MTHFD1L: variants seen among roughly 807,000 people sequenced by gnomAD.
MTHFD1L encodes the protein monofunctional C1-tetrahydrofolate synthase, mitochondrial.
MTHFD1L carries 81 observed loss-of-function variants against 119.5 expected under a neutral mutation model. The ratio of observed to expected loss-of-function variants is 0.68; its 90% CI spans 0.57 to 0.82. MTHFD1L has a LOEUF of 0.82. Ranked by LOEUF, MTHFD1L falls within the 40% of genes least tolerant of loss-of-function variation. The pLI is 0.00. For synonymous variants in MTHFD1L, 430 were observed against 475.2 expected (o/e 0.90, Z 1.24); for missense variants, 1,125 against 1,253.4 (o/e 0.90, Z 1.55).
At chr6:150,988,633 T>A (rs575956497) in intron 20 of MTHFD1L, among the ~76,000 whole-genome samples, 2 of 151,186 alleles carry the variant, frequency 1.3e-5, no homozygotes, top group Non-Finnish European at 2.9e-5. Context: ...GGGGATGGAG[T>A]TTCACTCTTG....
chr6:150,959,342 C>A, intron 17 of MTHFD1L: 1 of 308,474 alleles, frequency 3.2e-6, no homozygotes, highest in Non-Finnish European at 4.7e-6. Context: ...CTGGCTCACA[C>A]TCCCCTTGGG....
intron 17 of MTHFD1L, among the ~76,000 whole-genome samples, chr6:150,959,874 A>G (rs1460094252): frequency 2.0e-5 from 3 of 152,224 alleles, no homozygotes; most frequent in African/African-American, 7.2e-5. Context: ...TGCCTAATAT[A>G]GTCCCTGCCG....
Position 150,865,725 on chromosome 6 carries a change from C to CCGT in MTHFD1L, c.-96_-95insTCG. The CCGT allele has an allele frequency of 9.6e-7, 1 of 1,040,328 alleles. No homozygotes were observed. The highest frequency in any genetic ancestry group is 1.2e-6 in the Non-Finnish European group (1 of 846,244). The allele number at this position is 1,040,328 out of a possible 1,614,324, so 64.4% of individuals were successfully genotyped here. ...AGGAGGAAGCGCCAGGTCCTTCCCG[C>CCGT]CGCCGCCGCCGCCGCCGCCGCCTGC... On this transcript the variant is annotated 5_prime_UTR_variant, in exon 1 of 28. Coordinates refer to ENST00000367321, the MANE Select transcript of MTHFD1L (RefSeq NM_015440.5).
chr6:150,923,537 A>ATTTATTTTTTTTTTTTTTT (rs1254981530), intron 10 of MTHFD1L, among the ~76,000 whole-genome samples: 1 of 95,208 alleles, frequency 1.1e-5, no homozygotes, highest in African/African-American at 5.1e-5. Context: ...TTATTTATTT[A>ATTTATTTTTTTTTTTTTTT]TTTTTTCTTT....
chr6:150,910,306 G>A (rs1465701670), intron 8 of MTHFD1L, among the ~76,000 whole-genome samples: 1 of 152,120 alleles, frequency 6.6e-6, no homozygotes, highest in Non-Finnish European at 1.5e-5. Context: ...GCTCACGCCT[G>A]TAATCCTAGC....
At chr6:151,053,926 C>T (rs899325823) in intron 26 of MTHFD1L, among the ~76,000 whole-genome samples, 13 of 150,856 alleles carry the variant, frequency 8.6e-5, no homozygotes, top group South Asian at 2.1e-4. Flanking sequence ...TTTATGATAA[C>T]GGTAACTGAC....
intron 1 of MTHFD1L, among the ~76,000 whole-genome samples, chr6:150,871,420 T>G (rs1779466172): frequency 2.0e-5 from 3 of 150,584 alleles, no homozygotes; most frequent in Non-Finnish European, 4.4e-5. Context: ...GTAGTAGGAC[T>G]TCTTTCAAAA....
chr6:150,960,384 A>G lies in MTHFD1L; in HGVS notation c.1913A>G (p.Lys638Arg). The change falls in exon 18 of 28, where the codon AAA becomes AGA. Residue 638 changes from lysine (K) to arginine (R), a missense_variant. Lys to Arg is a conservative substitution (Grantham distance 26). Transcript: ENST00000367321. ...GGAAGGATGGTGGTGGCCAGTGACA[A>G]AAGCGGGCAGCCTGTGACAGCAGAT... ...RLGRMVVASD[K>R]SGQPVTADDL... The G allele has an allele frequency of 1.2e-6, 2 of 1,613,064 alleles. No individual in the cohort carries two copies. Among genetic ancestry groups the G allele is most frequent in the Non-Finnish European group, 1.7e-6 (2 of 1,179,492 alleles).
chr6:150,967,172 T>A (rs1797336127), intron 19 of MTHFD1L, among the ~76,000 whole-genome samples: 1 of 152,198 alleles, frequency 6.6e-6, no homozygotes, highest in Non-Finnish European at 1.5e-5. Flanking sequence ...GGGGTCTCCA[T>A]GTTAACTGAC....
chr6:151,033,390 G>A (rs113797951), intron 24 of MTHFD1L, among the ~76,000 whole-genome samples: 4,356 of 152,222 alleles, frequency 0.029, 231 homozygotes, highest in African/African-American at 0.099. Context: ...AAAGTGCTGG[G>A]ATTACAGGTG....
intron 26 of MTHFD1L, among the ~76,000 whole-genome samples, chr6:151,062,738 C>T (rs1790789000): frequency 6.6e-6 from 1 of 152,128 alleles, no homozygotes; most frequent in Non-Finnish European, 1.5e-5. Context: ...AACCTGCAAA[C>T]TGTAAAATGA....
rs149879880 is a variant in MTHFD1L at position 150,945,588 on chromosome 6, C to T, written c.1623+47C>T. ...CTTTAAAAAGAAAATATCGTAGAAA[C>T]GCATCAGAAAGATTGTCAAAGCCTG... On this transcript the variant is annotated intron_variant, in intron 15 of 27. Coordinates refer to ENST00000367321, the MANE Select transcript of MTHFD1L (RefSeq NM_015440.5). 9,432 of 1,547,616 alleles carry T rather than the reference C, an allele frequency of 6.1e-3. 47 individuals carry two copies. The highest frequency in any genetic ancestry group is 0.015 in the Middle Eastern group (87 of 5,876).
rs190590664 is a variant in MTHFD1L at position 150,898,069 on chromosome 6, C to T, written c.781-7581C>T. Among the ~76,000 whole-genome samples, 167 of 152,266 alleles carry T rather than the reference C, an allele frequency of 1.1e-3. 1 individual carries two copies. The highest frequency in any genetic ancestry group is 3.9e-3 in the African/African-American group (163 of 41,542). ...ATGTTGGTCAGGCTGGTCTCGAACTCCTGACCTCAGGTGATCCACCCACCT... is the reference window on the plus strand; with the variant it reads ...ATGTTGGTCAGGCTGGTCTCGAACTTCTGACCTCAGGTGATCCACCCACCT... On this transcript the variant is annotated intron_variant, in intron 7 of 27. Transcript: ENST00000367321.
chr6:150,972,730 T>C (rs1005511677), intron 20 of MTHFD1L, among the ~76,000 whole-genome samples: 2 of 152,254 alleles, frequency 1.3e-5, no homozygotes, highest in African/African-American at 4.8e-5. Context: ...ACCCTTACTA[T>C]GTAGTACTGA....
chr6:150,936,242 C>T (rs1792030561), intron 11 of MTHFD1L, among the ~76,000 whole-genome samples: 1 of 152,150 alleles, frequency 6.6e-6, no homozygotes, highest in Admixed American at 6.5e-5. Flanking sequence ...GTGGGCCACC[C>T]CAGAGGTCAT....
intron 11 of MTHFD1L, among the ~76,000 whole-genome samples, chr6:150,930,657 C>G (rs1790885964): frequency 6.6e-6 from 1 of 151,788 alleles, no homozygotes; most frequent in Non-Finnish European, 1.5e-5. Flanking sequence ...TTTTTCCATG[C>G]TTTAGAAGAA....
rs1562651197 is a variant in MTHFD1L at position 151,090,892 on chromosome 6, T to TCGCCCCATGCTACTGGG, written c.2848-1575_2848-1574insCGCCCCATGCTACTGGG. Among the ~76,000 whole-genome samples the TCGCCCCATGCTACTGGG allele has an allele frequency of 3.0e-4, 40 of 133,310 alleles. 2 individuals are homozygous for TCGCCCCATGCTACTGGG. The highest frequency in any genetic ancestry group is 1.0e-3 in the African/African-American group (36 of 34,308). 87.5% of individuals were successfully genotyped at this position (133,310 alleles called of 152,430 possible). A position where few individuals can be genotyped will look rare whatever the true frequency, so the allele number is the denominator to read the frequency against. On this transcript the variant is annotated intron_variant, in intron 26 of 27. Coordinates refer to ENST00000367321, the MANE Select transcript of MTHFD1L (RefSeq NM_015440.5). ...TCGCCCCATGCGACTGGGTGCAGCA[T>TCGCCCCATGCTACTGGG]TGCCCCATGCGACTGGGTGCAGCAT...
intron 8 of MTHFD1L, among the ~76,000 whole-genome samples, chr6:150,913,598 G>A (rs1262113652): frequency 2.0e-5 from 3 of 152,230 alleles, no homozygotes; most frequent in East Asian, 1.9e-4. Context: ...GAGCTACTGC[G>A]CCCAGCCTGA....
At chr6:150,990,017 G>T (rs576667379) in intron 20 of MTHFD1L, among the ~76,000 whole-genome samples, 13 of 152,164 alleles carry the variant, frequency 8.5e-5, no homozygotes, top group Non-Finnish European at 1.8e-4. Flanking sequence ...AGTGGCTCAC[G>T]CCTGTAATCT....
Sources: allele counts gnomAD v4.1 joint callset (sites outside exome capture counted in the v4.1 genomes callset), GRCh38; gene constraint gnomAD v4.1.1; transcripts MANE v1.5; gene names NCBI Gene and HGNC (gene_info 2026-07-23, HGNC 2026-07-21).